TRAPPC9: variants seen among roughly 807,000 people sequenced by gnomAD.
TRAPPC9 encodes IKK2 binding protein.
Under a neutral mutation model 124.0 loss-of-function variants are expected in TRAPPC9, and 83 were observed. That is an observed-to-expected ratio of 0.67 (90% confidence interval 0.56 to 0.80). The LOEUF is 0.80. TRAPPC9 is among the 30% of genes least tolerant of loss of function. The pLI, the probability that TRAPPC9 is intolerant of heterozygous loss-of-function variation, is 0.00. For missense variants in TRAPPC9, 1,302 were observed against 1,508.3 expected (o/e 0.86, Z 2.27); for synonymous variants, 638 against 617.5 (o/e 1.03, Z -0.49).
Position 140,326,752 on chromosome 8 carries a change from G to A in TRAPPC9, c.1496-15378C>T, listed in dbSNP as rs1008871756. Among the ~76,000 whole-genome samples the A allele has an allele frequency of 3.3e-5, 5 of 152,254 alleles. No homozygotes were observed. In the East Asian group the frequency reaches 7.7e-4, roughly 24 times the overall value. On this transcript the variant is annotated intron_variant, in intron 9 of 22. Coordinates refer to ENST00000438773, the MANE Select transcript of TRAPPC9 (RefSeq NM_001160372.4). Reference sequence around the variant, plus strand: ...ATAAATTAGCTGGGCGTAATGGCATGTGCCTGTAGTCCTAGCTACTCTGAG... The same window carrying A: ...ATAAATTAGCTGGGCGTAATGGCATATGCCTGTAGTCCTAGCTACTCTGAG...
At chr8:140,267,124 T>C (rs924795317) in intron 15 of TRAPPC9, among the ~76,000 whole-genome samples, 1 of 152,226 alleles carries the variant, frequency 6.6e-6, no homozygotes. Flanking sequence ...ATCTGAAGAT[T>C]GATGTCTGAA....
At chr8:140,159,974 C>A (rs987441284) in intron 17 of TRAPPC9, among the ~76,000 whole-genome samples, 1 of 152,250 alleles carries the variant, frequency 6.6e-6, no homozygotes, top group Non-Finnish European at 1.5e-5. Context: ...CAACCCCATC[C>A]AAAAGTGGGC....
intron 8 of TRAPPC9, among the ~76,000 whole-genome samples, chr8:140,366,882 T>C (rs61300743): frequency 0.069 from 10,458 of 152,034 alleles, 918 homozygotes; most frequent in African/African-American, 0.2. Context: ...TCAACAGCAA[T>C]GAAACAAACA....
intron 21 of TRAPPC9, among the ~76,000 whole-genome samples, chr8:139,773,998 G>C (rs1207742848): frequency 6.6e-6 from 1 of 152,240 alleles, no homozygotes; most frequent in Non-Finnish European, 1.5e-5. Flanking sequence ...CCGGCTGCGA[G>C]GGGAGAGAGG....
intron 17 of TRAPPC9, among the ~76,000 whole-genome samples, chr8:140,178,846 G>A (rs1165941553): frequency 1.3e-5 from 2 of 152,096 alleles, no homozygotes; most frequent in African/African-American, 4.8e-5. Flanking sequence ...TATTGGTGAT[G>A]TGCATCTTTC....
chr8:140,218,280 A>T (rs2063249679), intron 17 of TRAPPC9, among the ~76,000 whole-genome samples: 1 of 152,124 alleles, frequency 6.6e-6, no homozygotes, highest in Non-Finnish European at 1.5e-5. Context: ...AATAACCAGA[A>T]GGTAAATAGG....
intron 21 of TRAPPC9, among the ~76,000 whole-genome samples, chr8:139,848,477 A>C (rs911748571): frequency 6.6e-5 from 10 of 152,192 alleles, no homozygotes; most frequent in Admixed American, 3.9e-4. Context: ...TTTATTAGGA[A>C]ACCAGGACAT....
chr8:140,204,325 G>C (rs2062868575), intron 17 of TRAPPC9, among the ~76,000 whole-genome samples: 3 of 152,204 alleles, frequency 2.0e-5, no homozygotes, highest in Admixed American at 6.5e-5. Context: ...CCTTTGTAGG[G>C]ACACGGATGA....
intron 21 of TRAPPC9, among the ~76,000 whole-genome samples, chr8:139,739,346 AGTGTGAGAC>A (rs1446230432): frequency 6.6e-6 from 1 of 152,210 alleles, no homozygotes; most frequent in Non-Finnish European, 1.5e-5. Context: ...CCACAGCTCT[AGTGTGAGAC>A]GCTGGTAGGT....
chr8:139,896,688 A>T (rs532907806), intron 20 of TRAPPC9, among the ~76,000 whole-genome samples: 1 of 152,316 alleles, frequency 6.6e-6, no homozygotes, highest in South Asian at 2.1e-4. Flanking sequence ...GGAAACCAGG[A>T]GCCATGAGTC....
At chr8:140,004,776 C>G (rs958005060) in intron 18 of TRAPPC9, among the ~76,000 whole-genome samples, 1 of 152,162 alleles carries the variant, frequency 6.6e-6, no homozygotes, top group African/African-American at 2.4e-5. Flanking sequence ...TCAAGTGAGA[C>G]TCTCTTTTCC....
intron 13 of TRAPPC9, among the ~76,000 whole-genome samples, chr8:140,286,404 G>A (rs138708545): frequency 3.3e-5 from 5 of 152,280 alleles, no homozygotes; most frequent in African/African-American, 4.8e-5. Context: ...TAGGAAGATC[G>A]CCGGGCCACA....
chr8:139,878,412 A>G (rs756407968), intron 21 of TRAPPC9, among the ~76,000 whole-genome samples: 5 of 152,178 alleles, frequency 3.3e-5, no homozygotes, highest in Non-Finnish European at 7.3e-5. Flanking sequence ...ATTGTCTCTC[A>G]TCTTCTACCA....
At chr8:139,943,877 T>A (rs1219591624) in intron 19 of TRAPPC9, among the ~76,000 whole-genome samples, 1 of 151,942 alleles carries the variant, frequency 6.6e-6, no homozygotes, top group Admixed American at 6.6e-5. Context: ...AAATGAAACA[T>A]GAGCAGCTAG....
intron 6 of TRAPPC9, among the ~76,000 whole-genome samples, chr8:140,401,600 C>G (rs2069273695): frequency 6.6e-6 from 1 of 151,872 alleles, no homozygotes; most frequent in African/African-American, 2.4e-5. Context: ...ATGTATATTA[C>G]AAAGAGATTT....
chr8:139,794,162 G>A (rs1056523902), intron 21 of TRAPPC9, among the ~76,000 whole-genome samples: 5 of 151,534 alleles, frequency 3.3e-5, no homozygotes, highest in Admixed American at 1.3e-4. Context: ...CGCCTGCCCC[G>A]TGCCACCTGC....
Position 140,439,258 on chromosome 8 carries a change from G to A in TRAPPC9, c.585-61C>T, listed in dbSNP as rs955465524. 1.9e-6 allele frequency: 3 copies of A among 1,574,786 alleles called. No homozygotes were observed. In the African/African-American group the frequency reaches 4.0e-5, roughly 21 times the overall value. On this transcript the variant is annotated intron_variant, in intron 2 of 22. Transcript: ENST00000438773. ...ACAACTCCCACCCAGAAAGCACTCTGACTAAGCACTATTCAATTCTCTCAC... is the reference window on the plus strand; with the variant it reads ...ACAACTCCCACCCAGAAAGCACTCTAACTAAGCACTATTCAATTCTCTCAC...
At chr8:140,001,646 T>C (rs1838410049) in intron 18 of TRAPPC9, among the ~76,000 whole-genome samples, 1 of 152,134 alleles carries the variant, frequency 6.6e-6, no homozygotes, top group South Asian at 2.1e-4. Flanking sequence ...CCACAGACAT[T>C]AGAAGGACAA....
In TRAPPC9 at chr8:140,238,152, G is replaced by C. The variant is rs761544747; in HGVS notation, c.2431+14625C>G. On this transcript the variant is annotated intron_variant, in intron 16 of 22. Transcript: ENST00000438773. ...GGCAGTAATGAGAACAGCCAGCTCA[G>C]TGGTCCAGGAGACGTCGGTTCCGGC... Among the ~76,000 whole-genome samples, 34 of 152,236 alleles carry C rather than the reference G, an allele frequency of 2.2e-4. 1 individual carries two copies. Among genetic ancestry groups the C allele is most frequent in the Admixed American group, 6.5e-5 (1 of 15,290 alleles).
Sources: allele counts gnomAD v4.1 joint callset (sites outside exome capture counted in the v4.1 genomes callset), GRCh38; gene constraint gnomAD v4.1.1; transcripts MANE v1.5; gene names NCBI Gene and HGNC (gene_info 2026-07-23, HGNC 2026-07-21).